The following PARVG variants were observed in gnomAD, a reference collection of about 807,000 sequenced individuals.
The protein encoded by PARVG is gamma-parvin.
A neutral mutation model predicts 44.4 loss-of-function variants in PARVG; 36 were observed. The ratio of observed to expected loss-of-function variants is 0.81; its 90% CI spans 0.62 to 1.07. The LOEUF is 1.07. Ranked by LOEUF, PARVG falls within the 50% of genes least tolerant of loss-of-function variation. The probability of loss-of-function intolerance (pLI) is 0.00; values close to 1 mark genes in which losing one functional copy is unlikely to be tolerated. For missense variants in PARVG, 407 were observed against 407.4 expected (o/e 1.00, Z 0.01); for synonymous variants, 170 against 174.1 (o/e 0.98, Z 0.19).
intron 8 of PARVG, among the ~76,000 whole-genome samples, chr22:44,192,515 G>A (rs1423869134): frequency 6.6e-6 from 1 of 151,998 alleles, no homozygotes. Flanking sequence ...CTTGTTCCCC[G>A]CCCACTTTGG....
chr22:44,190,788 C>A (rs765481610), intron 7 of PARVG, 122 bp downstream of exon 7: 1 of 805,970 alleles, frequency 1.2e-6, no homozygotes, highest in Non-Finnish European at 2.0e-6. Context: ...TTCAGGGAAC[C>A]CTGAGAAATA....
intron 12 of PARVG, among the ~76,000 whole-genome samples, chr22:44,198,945 C>CCCAT (rs1292696321): frequency 0.011 from 256 of 22,876 alleles, 3 homozygotes; most frequent in African/African-American, 0.023. Context: ...CATCCACCCA[C>CCCAT]CCATCCATCC....
rs186605717 is a variant in PARVG at position 44,173,080 on chromosome 22, A to G, written c.-300A>G. 3 of 1,289,758 alleles carry G rather than the reference A, an allele frequency of 2.3e-6. No homozygotes were observed. In the East Asian group the frequency reaches 1.7e-4, roughly 72 times the overall value. The allele number at this position is 1,289,758 out of a possible 1,614,324, so 79.9% of individuals were successfully genotyped here. On this transcript the variant is annotated 5_prime_UTR_variant, in exon 1 of 14. Transcript: ENST00000422871. ...GCTTCCCGGGACCTTCCAATTGGAC[A>G]GGAGCTGGGGGAAGAGCTGGTTCAC...
chr22:44,205,875 A>T (rs1303889214), intron 13 of PARVG, 46 bp downstream of exon 13: 1 of 1,592,090 alleles, frequency 6.3e-7, no homozygotes, highest in Non-Finnish European at 8.6e-7. Context: ...CCTGGGTGGC[A>T]GCCTTGTGCG....
intron 1 of PARVG, among the ~76,000 whole-genome samples, chr22:44,173,532 C>T (rs1207563434): frequency 7.0e-6 from 1 of 142,514 alleles, no homozygotes; most frequent in African/African-American, 2.8e-5. Context: ...GAAAGGCAAC[C>T]ACGCTATTAA....
At chr22:44,191,314 T>C (rs953285534) in intron 7 of PARVG, among the ~76,000 whole-genome samples, 3 of 150,918 alleles carry the variant, frequency 2.0e-5, no homozygotes, top group Non-Finnish European at 4.4e-5. Context: ...AGGGGCTTTG[T>C]GTGTGAGGGC....
At position 44,207,874 on chromosome 22, in the gene PARVG, C is replaced by G. The variant is rs191023034; in HGVS notation, c.*1448C>G. 5.6e-4 allele frequency: 85 copies of G among 152,486 alleles called. 1 individual carries two copies. Among genetic ancestry groups the G allele is most frequent in the African/African-American group, 1.9e-3 (81 of 41,544 alleles). The allele number at this position is 152,486 out of a possible 1,614,324, so 9.4% of individuals were successfully genotyped here. A position where few individuals can be genotyped will look rare whatever the true frequency, so the allele number is the denominator to read the frequency against. ...TTCCACGTGAGCACTCAGATGCACC[C>G]CTCTTCATGGATACCCACCCTACTT... On this transcript the variant is annotated 3_prime_UTR_variant, in exon 14 of 14. Transcript: ENST00000444313.
chr22:44,173,407 C>T (rs929212241), intron 1 of PARVG, among the ~76,000 whole-genome samples: 7 of 152,222 alleles, frequency 4.6e-5, no homozygotes, highest in Admixed American at 1.3e-4. Context: ...GCCTGCCCTC[C>T]GTGCTGGCCC....
upstream of PARVG, among the ~76,000 whole-genome samples, chr22:44,176,115 G>A (rs542818252): frequency 2.6e-4 from 40 of 152,286 alleles, no homozygotes; most frequent in Non-Finnish European, 3.2e-4. Context: ...GCCAAGGTGA[G>A]CCTGAAACAC....
intron 1 of PARVG, among the ~76,000 whole-genome samples, chr22:44,173,952 C>T (rs1020921525): frequency 3.3e-5 from 5 of 152,190 alleles, no homozygotes; most frequent in South Asian, 4.1e-4. Flanking sequence ...GGCCTGTCTT[C>T]GCCTGCACTT....
intron 1 of PARVG, 77 bp from the exon 2 acceptor site, chr22:44,181,665 G>T: frequency 1.0e-6 from 1 of 974,586 alleles, no homozygotes; most frequent in Non-Finnish European, 1.2e-6. Flanking sequence ...CGGGCGCTGG[G>T]GCTCCGGGCA....
At chr22:44,186,395 G>A (rs2054470668) in intron 4 of PARVG, 3 of 367,676 alleles carry the variant, frequency 8.2e-6, no homozygotes, top group Middle Eastern at 3.8e-4. Context: ...GCACAGGTGG[G>A]CTCCAGGCCT....
rs1243911526 is a variant in PARVG, at chr22:44,203,455, T to C, written c.814-2302T>C. On this transcript the variant is annotated intron_variant, in intron 12 of 13. Transcript: ENST00000444313. The stretch of plus-strand genomic sequence containing the variant: ...ATAGTATTTTATTTAATCCAACAAT[T>C]TCTAAAAACGTTTGGCCACAGATAT... Among the ~76,000 whole-genome samples the C allele has an allele frequency of 2.0e-5, 3 of 152,144 alleles. No individual in the cohort carries two copies. In the East Asian group the frequency reaches 5.8e-4, roughly 29 times the overall value.
At chr22:44,198,965 TCC>T (rs2054665245) in intron 12 of PARVG, among the ~76,000 whole-genome samples, 1 of 80,204 alleles carries the variant, frequency 1.2e-5, no homozygotes, top group African/African-American at 3.4e-5. Flanking sequence ...CATCCATCCA[TCC>T]ATCCATCCAT....
At chr22:44,173,139 C>CA in exon 1 of PARVG, 1 of 1,287,602 alleles carries the variant, frequency 7.8e-7, no homozygotes, top group Non-Finnish European at 1.0e-6. Flanking sequence ...TTGGGAACCC[C>CA]AAACTTCTGC....
chr22:44,188,887 G>T (rs772881833), intron 5 of PARVG: 6 of 580,904 alleles, frequency 1.0e-5, no homozygotes, highest in Admixed American at 9.1e-5. Context: ...ACATCATGTG[G>T]CCTGCATGGC....
At position 44,181,200 on chromosome 22, in the gene PARVG, T is replaced by C. The variant is rs975882367; in HGVS notation, c.-189+15T>C. The C allele has an allele frequency of 4.3e-6, 2 of 459,892 alleles. No homozygotes were observed. Among genetic ancestry groups the C allele is most frequent in the African/African-American group, 2.1e-5 (1 of 47,002 alleles). 28.5% of individuals were successfully genotyped at this position (459,892 alleles called of 1,614,324 possible). On this transcript the variant is annotated intron_variant, in intron 1 of 13. Coordinates refer to ENST00000444313, the MANE Select transcript of PARVG (RefSeq NM_022141.7). ...TCTAGACACGGGTATGTAACCGCGA[T>C]TGAGAGAGACAGACCACGCACAGCC...
chr22:44,183,968 G>T (rs189166387), intron 3 of PARVG: 19 of 220,210 alleles, frequency 8.6e-5, no homozygotes, highest in Non-Finnish European at 1.5e-4. Flanking sequence ...AAAGTGGGGT[G>T]AGCATAGGAT....
chr22:44,206,495 C>A lies in PARVG; in HGVS notation c.*69C>A. The A allele has an allele frequency of 1.5e-6, 2 of 1,369,810 alleles. No homozygotes were observed. Among genetic ancestry groups the A allele is most frequent in the South Asian group, 1.2e-5 (1 of 85,886 alleles). 84.9% of individuals were successfully genotyped at this position (1,369,810 alleles called of 1,614,324 possible). A position where few individuals can be genotyped will look rare whatever the true frequency, so the allele number is the denominator to read the frequency against. ...TGGAGGGCCCGAGGCTGCAGGGTGT[C>A]CTCCCACAGTCCCGCTGTTTCCTGT... On this transcript the variant is annotated 3_prime_UTR_variant, in exon 14 of 14. Transcript: ENST00000444313.
Sources: allele counts gnomAD v4.1 joint callset (sites outside exome capture counted in the v4.1 genomes callset), GRCh38; gene constraint gnomAD v4.1.1; transcripts MANE v1.5; gene names NCBI Gene and HGNC (gene_info 2026-07-23, HGNC 2026-07-21).